The following IQGAP1 variants were observed in gnomAD, a reference collection of about 807,000 sequenced individuals.
The protein encoded by IQGAP1 is IQ motif containing GTPase activating protein 1, also known as ras GTPase-activating-like protein IQGAP1.
Under a neutral mutation model 215.6 loss-of-function variants are expected in IQGAP1, and 66 were observed. That is an observed-to-expected ratio of 0.31 (90% CI 0.25 to 0.38). The LOEUF is 0.38. Among genes scored for constraint, IQGAP1 ranks in the 10% least tolerant of loss-of-function variants. IQGAP1 has a pLI of 1.00. For synonymous variants in IQGAP1, 772 were observed against 728.7 expected, an observed-to-expected ratio of 1.06 and a Z score of -0.96; for missense variants, 1,712 against 1,997.1, an observed-to-expected ratio of 0.86 and a Z score of 2.72.
At position 90,472,935 on chromosome 15, in the gene IQGAP1, A is replaced by G; in HGVS notation, c.2274A>G (p.Gly758=). Residue 758 remains glycine, a synonymous_variant, in exon 19 of 38, where the codon GGA becomes GGG. Transcript: ENST00000268182. ...CCAGGCTGCAGGCTCGCTGCCGTGG[A>G]TACTTAGTTCGACAGGAATTCCGAT... ...LITRLQARCR[G]YLVRQEFRSR... 1.2e-6 allele frequency: 2 copies of G among 1,614,028 alleles called. No homozygotes were observed. Among genetic ancestry groups the G allele is most frequent in the Non-Finnish European group, 1.7e-6 (2 of 1,179,974 alleles).
chr15:90,426,962 A>G (rs901080762), intron 3 of IQGAP1, among the ~76,000 whole-genome samples: 1 of 151,582 alleles, frequency 6.6e-6, no homozygotes, highest in Non-Finnish European at 1.5e-5. Flanking sequence ...TCAAAAAAAA[A>G]AAAAAAAAGA....
At chr15:90,392,163 C>T (rs1057290069) in intron 2 of IQGAP1, among the ~76,000 whole-genome samples, 2 of 152,172 alleles carry the variant, frequency 1.3e-5, no homozygotes, top group African/African-American at 2.4e-5. Flanking sequence ...CAAACACTAA[C>T]CTGTATTTTG....
At chr15:90,495,361 T>C (rs1265356169) in intron 36 of IQGAP1, among the ~76,000 whole-genome samples, 1 of 151,422 alleles carries the variant, frequency 6.6e-6, no homozygotes, top group African/African-American at 2.4e-5. Flanking sequence ...GATCTTTCTC[T>C]TCTTTTGTCT....
At position 90,437,338 on chromosome 15, in the gene IQGAP1, G is replaced by T. The variant is rs73478816; in HGVS notation, c.468-1994G>T. 7.5e-3 allele frequency among the ~76,000 whole-genome samples: 1,140 copies of T among 152,280 alleles called. 14 individuals carry two copies. Among genetic ancestry groups the T allele is most frequent in the African/African-American group, 0.027 (1,110 of 41,562 alleles). On this transcript the variant is annotated intron_variant, in intron 5 of 37. Coordinates refer to ENST00000268182, the MANE Select transcript of IQGAP1 (RefSeq NM_003870.4). Reference sequence around the variant, plus strand: ...GACATGAGATTTGGACAGGGACACAGACCCAAACCATATCAGCAACATTCT... The same window carrying T: ...GACATGAGATTTGGACAGGGACACATACCCAAACCATATCAGCAACATTCT...
In IQGAP1 at chr15:90,426,151, C is replaced by G; in HGVS notation, c.197C>G (p.Thr66Arg). Residue 66 changes from threonine to arginine, a missense_variant, in exon 3 of 38, where the codon ACA becomes AGA. Coordinates refer to ENST00000268182, the MANE Select transcript of IQGAP1 (RefSeq NM_003870.4). Reference sequence around the variant, plus strand: ...CTAGGGGAAGATCTGCCTCCCACCACAGAACTGGAGGAGGGGCTTAGGAAT... The same window carrying G: ...CTAGGGGAAGATCTGCCTCCCACCAGAGAACTGGAGGAGGGGCTTAGGAAT... ...ACLGEDLPPT[T>R]ELEEGLRNGV... 6.2e-7 allele frequency: 1 copy of G among 1,605,292 alleles called. No individual in the cohort carries two copies. The highest frequency in any genetic ancestry group is 8.5e-7 in the Non-Finnish European group (1 of 1,176,494).
rs1052054634 is a variant in IQGAP1 at position 90,497,440 on chromosome 15, A to G, written c.4860+100A>G. The G allele has an allele frequency of 4.5e-5, 30 of 672,952 alleles. No individual in the cohort carries two copies. The East Asian group carries it at 6.2e-4, about 14-fold the overall frequency. The allele number at this position is 672,952 out of a possible 1,614,324, so 41.7% of individuals were successfully genotyped here. On this transcript the variant is annotated intron_variant, in intron 37 of 37. Coordinates refer to ENST00000268182, the MANE Select transcript of IQGAP1 (RefSeq NM_003870.4). The stretch of plus-strand genomic sequence containing the variant: ...GAGACTCATCTGAGGAAAGCTGTCT[A>G]CATTCAGCAGTGAGCTAGGCTCCAC...
intron 33 of IQGAP1, among the ~76,000 whole-genome samples, chr15:90,491,119 A>G (rs1447954934): frequency 1.3e-5 from 2 of 152,088 alleles, no homozygotes; most frequent in Non-Finnish European, 2.9e-5. Flanking sequence ...CAGTTGTGTG[A>G]TTTTGTAGAT....
At chr15:90,445,182 A>G (rs1425972284) in intron 9 of IQGAP1, among the ~76,000 whole-genome samples, 1 of 151,654 alleles carries the variant, frequency 6.6e-6, no homozygotes, top group African/African-American at 2.4e-5. Context: ...AGTGGTACTG[A>G]CCTGGTATTT....
chr15:90,395,669 A>G (rs1292623370), intron 2 of IQGAP1, among the ~76,000 whole-genome samples: 1 of 152,188 alleles, frequency 6.6e-6, no homozygotes, highest in Non-Finnish European at 1.5e-5. Flanking sequence ...CACTCAGTTG[A>G]AGGAGGTAAC....
intron 15 of IQGAP1, among the ~76,000 whole-genome samples, chr15:90,465,775 C>T (rs946013183): frequency 2.6e-5 from 4 of 152,160 alleles, no homozygotes; most frequent in Admixed American, 6.5e-5. Flanking sequence ...AGCATTCCTT[C>T]TGCCTCAGCG....
intron 34 of IQGAP1, 103 bp downstream of exon 34, chr15:90,491,648 A>G (rs1966206437): frequency 1.2e-6 from 1 of 865,126 alleles, no homozygotes; most frequent in Non-Finnish European, 1.8e-6. Context: ...TTCATGGGCA[A>G]ATTAGTGCCC....
intron 6 of IQGAP1, among the ~76,000 whole-genome samples, chr15:90,439,842 G>A (rs891296252): frequency 1.3e-5 from 2 of 152,148 alleles, no homozygotes; most frequent in Non-Finnish European, 2.9e-5. Flanking sequence ...AGCTTATTTG[G>A]GTGGGTGTTT....
chr15:90,467,318 C>A, intron 17 of IQGAP1, 132 bp from the exon 18 acceptor site: 1 of 817,610 alleles, frequency 1.2e-6, no homozygotes, highest in Non-Finnish European at 1.8e-6. Context: ...TTTACTCTCA[C>A]AGATCCAAGG....
At chr15:90,498,146 G>A (rs1171507781) in intron 37 of IQGAP1, among the ~76,000 whole-genome samples, 12 of 149,178 alleles carry the variant, frequency 8.0e-5, no homozygotes, top group Non-Finnish European at 5.9e-5. Context: ...TTTCCCCTTC[G>A]CTTCTGTAGC....
At chr15:90,406,943 G>A (rs1165186592) in intron 2 of IQGAP1, among the ~76,000 whole-genome samples, 2 of 152,184 alleles carry the variant, frequency 1.3e-5, no homozygotes, top group Admixed American at 1.3e-4. Flanking sequence ...TATGGTATAT[G>A]CAGCCAAGGA....
intron 26 of IQGAP1, 36 bp from the exon 27 acceptor site, chr15:90,481,924 G>A: frequency 6.2e-7 from 1 of 1,611,534 alleles, no homozygotes; most frequent in Non-Finnish European, 8.5e-7. Flanking sequence ...CTGGCTGTTA[G>A]TCTAACATAG....
At chr15:90,481,486 G>A (rs1359431746) in intron 26 of IQGAP1, among the ~76,000 whole-genome samples, 1 of 151,926 alleles carries the variant, frequency 6.6e-6, no homozygotes, top group Non-Finnish European at 1.5e-5. Flanking sequence ...CTTTTCCACT[G>A]TCATTTCTCC....
intron 26 of IQGAP1, among the ~76,000 whole-genome samples, 194 bp downstream of exon 26, chr15:90,478,083 C>T (rs562927905): frequency 2.6e-4 from 39 of 152,212 alleles, no homozygotes; most frequent in Non-Finnish European, 4.6e-4. Context: ...CCTCCACCTC[C>T]CAGGTCTAAG....
At chr15:90,494,673 A>G in intron 35 of IQGAP1, 40 bp from the exon 36 acceptor site, 1 of 1,557,258 alleles carries the variant, frequency 6.4e-7, no homozygotes, top group Non-Finnish European at 8.7e-7. Flanking sequence ...TTCAGAGTAG[A>G]TGGTTACTTA....
Sources: allele counts gnomAD v4.1 joint callset (sites outside exome capture counted in the v4.1 genomes callset), GRCh38; gene constraint gnomAD v4.1.1; transcripts MANE v1.5; gene names NCBI Gene and HGNC (gene_info 2026-07-23, HGNC 2026-07-21).